Variants in NCAM1 observed in about 807,000 individuals in gnomAD.
The protein encoded by NCAM1 is antigen recognized by monoclonal antibody 5.1H11.
In NCAM1, 14 loss-of-function variants were observed where a neutral mutation model predicts 109.8. The ratio of observed to expected loss-of-function variants is 0.13; its 90% CI spans 0.08 to 0.20. The LOEUF is 0.20. NCAM1 is among the 10% of genes least tolerant of loss of function. The pLI is 1.00. For missense variants in NCAM1, 774 were observed against 1,109.9 expected (o/e 0.70, Z 4.30); for synonymous variants, 418 against 442.9 (o/e 0.94, Z 0.70).
At chr11:113,234,692 A>G (rs1945110731) in intron 13 of NCAM1, among the ~76,000 whole-genome samples, 1 of 152,252 alleles carries the variant, frequency 6.6e-6, no homozygotes, top group South Asian at 2.1e-4. Flanking sequence ...GTATCCATTC[A>G]TCAGTCAGTG....
intron 1 of NCAM1, among the ~76,000 whole-genome samples, chr11:113,053,119 A>G (rs1953568879): frequency 6.6e-6 from 1 of 151,914 alleles, no homozygotes; most frequent in African/African-American, 2.4e-5. Context: ...CACTGCTCCC[A>G]CTTGTTCAGC....
At chr11:112,973,537 C>T (rs954200368) in intron 1 of NCAM1, among the ~76,000 whole-genome samples, 19 of 152,122 alleles carry the variant, frequency 1.2e-4, no homozygotes, top group Admixed American at 9.8e-4. Flanking sequence ...TGGTATCAAA[C>T]CCACATTTCG....
intron 1 of NCAM1, among the ~76,000 whole-genome samples, chr11:113,017,744 T>TA (rs1483646774): frequency 6.6e-6 from 1 of 151,950 alleles, no homozygotes; most frequent in African/African-American, 2.4e-5. Context: ...AGGAATACTG[T>TA]ATACACAAAA....
chr11:112,997,054 A>G (rs375559371), intron 1 of NCAM1, among the ~76,000 whole-genome samples: 4 of 152,164 alleles, frequency 2.6e-5, no homozygotes, highest in African/African-American at 7.2e-5. Flanking sequence ...GGCAGTGGGC[A>G]TGGGAAGCTT....
intron 1 of NCAM1, among the ~76,000 whole-genome samples, chr11:113,112,653 C>T (rs1343501853): frequency 6.6e-6 from 1 of 152,230 alleles, no homozygotes; most frequent in Non-Finnish European, 1.5e-5. Context: ...GATCTCTCCA[C>T]AGCAAACATT....
chr11:113,231,849 G>A (rs1468971440), intron 10 of NCAM1, 54 bp downstream of exon 10: 2 of 1,602,982 alleles, frequency 1.2e-6, no homozygotes, highest in Non-Finnish European at 1.7e-6. Flanking sequence ...GCAGGGTCAG[G>A]ATGAGAGAGG....
At position 113,275,261 on chromosome 11, in the gene NCAM1, C is replaced by T; in HGVS notation, c.2457-6C>T. On this transcript the variant is annotated splice_region_variant and splice_polypyrimidine_tract_variant and intron_variant, in intron 19 of 19. Transcript: ENST00000316851. ...TCAGTGGTTCTGTTTTCCTGATTCT[C>T]TGCAGGAAGGGCCCCGTAGAAGCAA... 6.2e-7 allele frequency: 1 copy of T among 1,613,616 alleles called. No homozygotes were observed. Among genetic ancestry groups the T allele is most frequent in the Non-Finnish European group, 8.5e-7 (1 of 1,179,794 alleles).
At chr11:113,121,223 A>ATTTTT (rs375070050) in intron 1 of NCAM1, among the ~76,000 whole-genome samples, 4 of 17,204 alleles carry the variant, frequency 2.3e-4, no homozygotes, top group Admixed American at 1.1e-3. Context: ...AACAACACCA[A>ATTTTT]TCTTTTTTTT....
intron 1 of NCAM1, among the ~76,000 whole-genome samples, chr11:113,123,999 G>C (rs147347168): frequency 6.6e-6 from 1 of 152,298 alleles, no homozygotes; most frequent in Non-Finnish European, 1.5e-5. Context: ...CAAAGCGGCT[G>C]ACCCTGCAGT....
chr11:113,162,387 G>A (rs1942630792), intron 1 of NCAM1, among the ~76,000 whole-genome samples: 1 of 152,100 alleles, frequency 6.6e-6, no homozygotes, highest in Admixed American at 6.6e-5. Context: ...GCAGGGCCCT[G>A]TGCATAATGA....
chr11:113,096,718 G>A (rs1939613287), intron 1 of NCAM1, among the ~76,000 whole-genome samples: 1 of 152,024 alleles, frequency 6.6e-6, no homozygotes. Context: ...TGGCATCACT[G>A]ATGACAAACC....
Position 113,233,707 on chromosome 11 carries a change from G to T in NCAM1, c.1693+390G>T, listed in dbSNP as rs782476336. ...TGCCGACACCCGGCCAGTCCTGCTT[G>T]GATATCTGTACTCAGGGACTGGCTG... On this transcript the variant is annotated intron_variant, in intron 13 of 19. Transcript: ENST00000316851. The surrounding 1 kb of genome is among the most constrained non-coding windows in gnomAD (Gnocchi z 4.5). Among the ~76,000 whole-genome samples the T allele has an allele frequency of 2.9e-4, 44 of 152,188 alleles. No homozygotes were observed. Among genetic ancestry groups the T allele is most frequent in the Middle Eastern group, 3.2e-3 (1 of 316 alleles).
intron 1 of NCAM1, among the ~76,000 whole-genome samples, chr11:112,972,885 G>A (rs921370088): frequency 2.0e-5 from 3 of 151,994 alleles, no homozygotes; most frequent in Non-Finnish European, 2.9e-5. Context: ...TTTGGGTGAC[G>A]GCCTCATCAT....
At chr11:113,101,452 C>G (rs1484655090) in intron 1 of NCAM1, among the ~76,000 whole-genome samples, 1 of 152,130 alleles carries the variant, frequency 6.6e-6, no homozygotes, top group Non-Finnish European at 1.5e-5. Flanking sequence ...TTTAACTTTG[C>G]TCTTCTATGA....
At position 112,961,472 on chromosome 11, in the gene NCAM1, C is replaced by T; in HGVS notation, c.-141C>T. On this transcript the variant is annotated 5_prime_UTR_variant, in exon 1 of 20. Transcript: ENST00000316851. Reference sequence around the variant, plus strand: ...CAGCTCGGCTGCCGCTGGCAGGAAACAATTCTGCAAAAATAATCATACTCA... The same window carrying T: ...CAGCTCGGCTGCCGCTGGCAGGAAATAATTCTGCAAAAATAATCATACTCA... The T allele has an allele frequency of 1.3e-6, 1 of 785,434 alleles. No homozygotes were observed. Among genetic ancestry groups the T allele is most frequent in the Non-Finnish European group, 2.4e-6 (1 of 424,478 alleles). 48.7% of individuals were successfully genotyped at this position (785,434 alleles called of 1,614,324 possible). A position where few individuals can be genotyped will look rare whatever the true frequency, so the allele number is the denominator to read the frequency against.
At chr11:113,150,348 C>T (rs1255822020) in intron 1 of NCAM1, among the ~76,000 whole-genome samples, 2 of 152,154 alleles carry the variant, frequency 1.3e-5, no homozygotes, top group African/African-American at 2.4e-5. Flanking sequence ...TGGTTTGTGG[C>T]AAAGGGCTGG....
At chr11:113,194,818 G>T (rs977330634) in intron 1 of NCAM1, among the ~76,000 whole-genome samples, 1 of 152,192 alleles carries the variant, frequency 6.6e-6, no homozygotes, top group Non-Finnish European at 1.5e-5. Context: ...CCAGGGGCCT[G>T]TGGCGACTTT....
At chr11:113,075,085 G>C (rs1938469660) in intron 1 of NCAM1, among the ~76,000 whole-genome samples, 1 of 151,994 alleles carries the variant, frequency 6.6e-6, no homozygotes, top group African/African-American at 2.4e-5. Context: ...TTTTGAGCAG[G>C]AGGCAGGATC....
At chr11:113,013,555 T>A (rs782069806) in intron 1 of NCAM1, among the ~76,000 whole-genome samples, 2 of 152,200 alleles carry the variant, frequency 1.3e-5, no homozygotes, top group Admixed American at 6.5e-5. Context: ...CTATACTGCT[T>A]CAAGTCTAAG....
Sources: gnomAD v4.1 joint callset for allele counts (sites outside exome capture counted in the v4.1 genomes callset) on GRCh38, gnomAD v4.1.1 for gene constraint, Gnocchi (gnomAD v3.1) non-coding constraint, MANE v1.5 for transcripts, NCBI Gene and HGNC (gene_info 2026-07-23, HGNC 2026-07-21) for gene names.